The following USP49 variants were observed in gnomAD, a reference collection of about 807,000 sequenced individuals.
USP49 encodes ubiquitin specific peptidase 49, also known as ubiquitin carboxyl-terminal hydrolase 49.
A neutral mutation model predicts 58.6 loss-of-function variants in USP49; 24 were observed. The observed-to-expected ratio is 0.41, with a 90% CI of 0.30 to 0.58. The LOEUF (loss-of-function observed/expected upper bound fraction) is 0.58, where lower values mean the gene tolerates loss of function less well. Ranked by LOEUF, USP49 falls within the 20% of genes least tolerant of loss-of-function variation. The pLI is 0.30. For synonymous variants in USP49, 408 were observed against 365.1 expected (o/e 1.12, Z -1.34); for missense variants, 703 against 866.1 (o/e 0.81, Z 2.36).
At chr6:41,797,714 G>A (rs1772911061) in intron 7 of USP49, 7 of 985,848 alleles carry the variant, frequency 7.1e-6, no homozygotes, top group Non-Finnish European at 8.4e-6. Context: ...AGGTTACACA[G>A]GTTCTACTGT....
chr6:41,793,263 G>GT lies in USP49; in HGVS notation c.*3269dup, dbSNP rs1308683708. 2 of 151,252 alleles carry GT rather than the reference G, an allele frequency of 1.3e-5. No homozygotes were observed. Among genetic ancestry groups the GT allele is most frequent in the African/African-American group, 5.0e-5 (2 of 39,754 alleles). 9.4% of individuals were successfully genotyped at this position (151,252 alleles called of 1,614,324 possible). ...AAATTCTTTTTTTTTTTTTGTTTTT[G>GT]TTTTTGTTTTTTTTTTAAGACAGAG... On this transcript the variant is annotated 3_prime_UTR_variant, in exon 8 of 8. Transcript: ENST00000682992.
At chr6:41,831,348 C>T (rs1773630737) in intron 3 of USP49, among the ~76,000 whole-genome samples, 1 of 149,930 alleles carries the variant, frequency 6.7e-6, no homozygotes. Context: ...CGAGATTGTG[C>T]CGCTGCACTC....
chr6:41,856,096 G>A (rs1404942347), intron 3 of USP49, among the ~76,000 whole-genome samples: 6 of 147,228 alleles, frequency 4.1e-5, no homozygotes, highest in Non-Finnish European at 7.5e-5. Context: ...TATTAAGGCC[G>A]GGCGCTGTGG....
At chr6:41,847,660 G>C (rs896739091) in intron 3 of USP49, among the ~76,000 whole-genome samples, 3 of 151,978 alleles carry the variant, frequency 2.0e-5, no homozygotes, top group Non-Finnish European at 4.4e-5. Flanking sequence ...GTTGCAGTGA[G>C]CCAAGATCGT....
At position 41,807,012 on chromosome 6, in the gene USP49, C is replaced by T. The variant is rs1304562292; in HGVS notation, c.-28-1G>A. ...TTATAGAAGTCGCCACTTTCTCAACCTGGCACGACAGAGTCCCCAAAAAAG... is the reference window on the plus strand; with the variant it reads ...TTATAGAAGTCGCCACTTTCTCAACTTGGCACGACAGAGTCCCCAAAAAAG... On this transcript the variant is annotated splice_acceptor_variant, in intron 3 of 7. Coordinates refer to ENST00000682992, the MANE Select transcript of USP49 (RefSeq NM_001286554.2). LOFTEE classifies it low-confidence loss of function (5UTR_SPLICE). 7.2e-7 allele frequency: 1 copy of T among 1,393,408 alleles called. No individual in the cohort carries two copies. Among genetic ancestry groups the T allele is most frequent in the Non-Finnish European group, 9.4e-7 (1 of 1,062,266 alleles). 86.3% of individuals were successfully genotyped at this position (1,393,408 alleles called of 1,614,324 possible). A position where few individuals can be genotyped will look rare whatever the true frequency, so the allele number is the denominator to read the frequency against.
chr6:41,862,694 A>G (rs1561921394), intron 3 of USP49, among the ~76,000 whole-genome samples: 1 of 152,242 alleles, frequency 6.6e-6, no homozygotes, highest in Non-Finnish European at 1.5e-5. Context: ...GACAAATATC[A>G]AAAAACAGAG....
At chr6:41,807,922 C>T (rs56687715) in intron 3 of USP49, among the ~76,000 whole-genome samples, 22 of 151,126 alleles carry the variant, frequency 1.5e-4, no homozygotes, top group Admixed American at 2.0e-4. Flanking sequence ...TACAGGTGCG[C>T]GCACCACCAC....
chr6:41,814,524 TG>T (rs1773315091), intron 3 of USP49, among the ~76,000 whole-genome samples: 1 of 152,202 alleles, frequency 6.6e-6, no homozygotes, highest in Non-Finnish European at 1.5e-5. Context: ...GCCTTTTAAT[TG>T]GAGTATTTCA....
chr6:41,846,114 G>A (rs868370660), intron 3 of USP49, among the ~76,000 whole-genome samples: 4 of 152,088 alleles, frequency 2.6e-5, no homozygotes, highest in African/African-American at 2.4e-5. Flanking sequence ...TCAGGAGGTC[G>A]AGAGCAGCTG....
chr6:41,814,219 A>G (rs912674338), intron 3 of USP49, among the ~76,000 whole-genome samples: 1 of 152,232 alleles, frequency 6.6e-6, no homozygotes, highest in Non-Finnish European at 1.5e-5. Flanking sequence ...CGATCTGCAT[A>G]TGAGGAAAGT....
intron 3 of USP49, among the ~76,000 whole-genome samples, chr6:41,821,110 T>G (rs1191839465): frequency 6.6e-6 from 1 of 152,180 alleles, no homozygotes; most frequent in Non-Finnish European, 1.5e-5. Flanking sequence ...ATTCACAAAT[T>G]AGATAGGTTA....
chr6:41,865,916 C>T (rs964523469), intron 3 of USP49, among the ~76,000 whole-genome samples: 695 of 65,446 alleles, frequency 0.011, 14 homozygotes, highest in South Asian at 0.03. Context: ...AGCATGGTGC[C>T]TTTTTTTTTT....
At chr6:41,842,223 C>A (rs1264391617) in intron 3 of USP49, among the ~76,000 whole-genome samples, 1 of 151,058 alleles carries the variant, frequency 6.6e-6, no homozygotes, top group Non-Finnish European at 1.5e-5. Context: ...AAGACACATA[C>A]TTAGCTGGGT....
At chr6:41,816,038 G>A (rs1227795567) in intron 3 of USP49, among the ~76,000 whole-genome samples, 2 of 152,232 alleles carry the variant, frequency 1.3e-5, no homozygotes, top group African/African-American at 2.4e-5. Flanking sequence ...GACAAAGGCA[G>A]AACACCTGAC....
chr6:41,819,936 G>A (rs1268373265), intron 3 of USP49, among the ~76,000 whole-genome samples: 5 of 152,096 alleles, frequency 3.3e-5, no homozygotes, highest in Non-Finnish European at 5.9e-5. Flanking sequence ...TCACCAAATC[G>A]AAATGTGGCA....
At position 41,791,164 on chromosome 6, in the gene USP49, TA is replaced by T; in HGVS notation, c.*5368del. 6.6e-6 allele frequency: 1 copy of T among 152,380 alleles called. No individual in the cohort carries two copies. The highest frequency in any genetic ancestry group is 1.5e-5 in the Non-Finnish European group (1 of 68,040). The allele number at this position is 152,380 out of a possible 1,614,324, so 9.4% of individuals were successfully genotyped here. On this transcript the variant is annotated 3_prime_UTR_variant, in exon 8 of 8. Transcript: ENST00000682992. ...TAAGACATGGCAGCTTCCAAAAGCA[TA>T]ATTCAAATTTCATTCAAAATTTACT...
intron 3 of USP49, among the ~76,000 whole-genome samples, chr6:41,807,441 T>C (rs79149155): frequency 3.9e-5 from 6 of 152,098 alleles, no homozygotes; most frequent in Non-Finnish European, 4.4e-5. Context: ...TAAGGAACAT[T>C]GTATATGTGG....
intron 3 of USP49, among the ~76,000 whole-genome samples, chr6:41,812,917 A>C (rs1376052089): frequency 6.6e-6 from 1 of 152,186 alleles, no homozygotes; most frequent in Non-Finnish European, 1.5e-5. Flanking sequence ...TATCACTGAT[A>C]TATTGAGACT....
At chr6:41,817,423 G>A (rs1434003438) in intron 3 of USP49, among the ~76,000 whole-genome samples, 1 of 149,442 alleles carries the variant, frequency 6.7e-6, no homozygotes, top group Non-Finnish European at 1.5e-5. Context: ...TGGGATTACA[G>A]GCATGAGCCA....
Sources: allele counts gnomAD v4.1 joint callset (sites outside exome capture counted in the v4.1 genomes callset), GRCh38; gene constraint gnomAD v4.1.1; transcripts MANE v1.5; gene names NCBI Gene and HGNC (gene_info 2026-07-23, HGNC 2026-07-21).